RSPH3: variants seen among roughly 807,000 people sequenced by gnomAD.
The protein encoded by RSPH3 is radial spoke head protein 3 homolog.
In RSPH3, 21 loss-of-function variants were observed where a neutral mutation model predicts 43.8. The observed-to-expected ratio is 0.48, with a 90% CI of 0.34 to 0.69. The LOEUF (loss-of-function observed/expected upper bound fraction) is 0.69, where lower values mean the gene tolerates loss of function less well. Ranked by LOEUF, RSPH3 falls within the 30% of genes least tolerant of loss-of-function variation. The pLI is 0.01. For synonymous variants in RSPH3, 173 were observed against 179.8 expected (o/e 0.96, Z 0.30); for missense variants, 487 against 516.0 (o/e 0.94, Z 0.54).
At chr6:158,970,494 C>A (rs943804876), downstream of RSPH3, among the ~76,000 whole-genome samples, 4 of 152,200 alleles carry the variant, frequency 2.6e-5, no homozygotes, top group East Asian at 7.7e-4. Context: ...GGCATGCATG[C>A]AGTCCTACAC....
rs74870411 is a variant in RSPH3 at position 158,994,223 on chromosome 6, T to C, written c.117-297A>G. Among the ~76,000 whole-genome samples the C allele has an allele frequency of 0.018, 2,712 of 152,318 alleles. 35 individuals carry two copies. The highest frequency in any genetic ancestry group is 0.024 in the Middle Eastern group (7 of 294). On this transcript the variant is annotated intron_variant, in intron 1 of 7. Transcript: ENST00000367069. Reference sequence around the variant, plus strand: ...AGGAATCTGCCAAAGGTCACCTTGCTAGTAAGTGGCAGGACTAGATTTAGG... The same window carrying C: ...AGGAATCTGCCAAAGGTCACCTTGCCAGTAAGTGGCAGGACTAGATTTAGG...
In RSPH3 at chr6:158,984,369, T is replaced by A. The variant is rs536475710; in HGVS notation, c.347-562A>T. 3.4e-4 allele frequency among the ~76,000 whole-genome samples: 48 copies of A among 142,388 alleles called. 1 individual carries two copies. Among genetic ancestry groups the A allele is most frequent in the Non-Finnish European group, 5.7e-4 (38 of 66,420 alleles). The allele number at this position is 142,388 out of a possible 152,430, so 93.4% of individuals were successfully genotyped here. A position where few individuals can be genotyped will look rare whatever the true frequency, so the allele number is the denominator to read the frequency against. Reference sequence around the variant, plus strand: ...TGAGCTTTGTATTTGAAAATGGAACTAAAGAAGAACATGAGACCGTAGATG... The same window carrying A: ...TGAGCTTTGTATTTGAAAATGGAACAAAAGAAGAACATGAGACCGTAGATG... On this transcript the variant is annotated intron_variant, in intron 3 of 7. Coordinates refer to ENST00000367069, the MANE Select transcript of RSPH3 (RefSeq NM_031924.8).
chr6:158,988,021 C>T (rs1778288896), intron 2 of RSPH3, among the ~76,000 whole-genome samples: 1 of 152,198 alleles, frequency 6.6e-6, no homozygotes, highest in African/African-American at 2.4e-5. Flanking sequence ...GTTGTTCAGG[C>T]TGAAGAATTC....
At position 158,973,504 on chromosome 6, in the gene RSPH3, C is replaced by A. The variant is rs1182423036; in HGVS notation, c.*4034G>T. ...ATACTTTCTTCTGCAAGTTACCCACCCTTTCATATGTTTTTAAAATGAAAC... is the reference window on the plus strand; with the variant it reads ...ATACTTTCTTCTGCAAGTTACCCACACTTTCATATGTTTTTAAAATGAAAC... On this transcript the variant is annotated 3_prime_UTR_variant, in exon 8 of 8. Coordinates refer to ENST00000367069, the MANE Select transcript of RSPH3 (RefSeq NM_031924.8). 2 of 152,136 alleles carry A rather than the reference C, an allele frequency of 1.3e-5. No homozygotes were observed. Among genetic ancestry groups the A allele is most frequent in the African/African-American group, 4.8e-5 (2 of 41,398 alleles). 9.4% of individuals were successfully genotyped at this position (152,136 alleles called of 1,614,324 possible).
chr6:158,979,093 T>C (rs1454348456), intron 6 of RSPH3, among the ~76,000 whole-genome samples: 1 of 152,204 alleles, frequency 6.6e-6, no homozygotes, highest in Admixed American at 6.5e-5. Context: ...GGCAGTCATC[T>C]AGAAATAGGT....
intron 2 of RSPH3, among the ~76,000 whole-genome samples, chr6:158,992,214 C>A (rs555707024): frequency 1.3e-5 from 2 of 149,442 alleles, no homozygotes. Flanking sequence ...TCTTGATACT[C>A]CCTGCCTCAG....
intron 5 of RSPH3, 70 bp downstream of exon 5, chr6:158,982,415 A>G (rs1778062298): frequency 4.3e-6 from 4 of 921,018 alleles, no homozygotes; most frequent in Non-Finnish European, 6.5e-6. Context: ...ATATCATCAC[A>G]TGTAATTTTG....
At position 158,999,926 on chromosome 6, in the gene RSPH3, C is replaced by G. The variant is rs749457687; in HGVS notation, c.-376G>C. ...CGCCACCCAGGTAGGTGCGCCTGCG[C>G]TTTGCGAGGTTCCTGGCTAGGGAGG... On this transcript the variant is annotated 5_prime_UTR_variant, in exon 1 of 8. Transcript: ENST00000367069. 1 of 1,611,392 alleles carries G rather than the reference C, an allele frequency of 6.2e-7. No homozygotes were observed. The highest frequency in any genetic ancestry group is 2.2e-5 in the East Asian group (1 of 44,866).
the RSPH3 span, among the ~76,000 whole-genome samples, chr6:158,967,287 C>T: frequency 2.6e-5 from 4 of 152,146 alleles, no homozygotes; most frequent in East Asian, 3.9e-4. Flanking sequence ...CGAGCCACAG[C>T]ATCTGGCCTA....
Position 158,977,243 on chromosome 6 carries a change from C to T in RSPH3, c.*295G>A, listed in dbSNP as rs1173363733. ...AAACTAACCCGCAAAATTAGAAGGG[C>T]TAAGGAAAAATATATTTGCTGGTTA... On this transcript the variant is annotated 3_prime_UTR_variant, in exon 8 of 8. Transcript: ENST00000367069. The T allele has an allele frequency of 3.1e-6, 1 of 320,928 alleles. No homozygotes were observed. Among genetic ancestry groups the T allele is most frequent in the Non-Finnish European group, 5.6e-6 (1 of 178,308 alleles). 19.9% of individuals were successfully genotyped at this position (320,928 alleles called of 1,614,324 possible).
intron 2 of RSPH3, chr6:158,990,542 A>G (rs752218192): frequency 2.0e-5 from 3 of 152,144 alleles, no homozygotes; most frequent in Non-Finnish European, 4.4e-5. Context: ...CTTGAAAAAT[A>G]TTGTGCCACT....
At chr6:158,980,679 C>T (rs1778003055) in intron 6 of RSPH3, 95 bp downstream of exon 6, 3 of 1,007,678 alleles carry the variant, frequency 3.0e-6, no homozygotes, top group East Asian at 2.6e-5. Context: ...AATAGAAAGA[C>T]TCCAATTCAA....
At chr6:158,967,853 C>G in the RSPH3 span, among the ~76,000 whole-genome samples, 11 of 152,204 alleles carry the variant, frequency 7.2e-5, no homozygotes, top group South Asian at 2.3e-3. Flanking sequence ...CTATTTTTAT[C>G]TTAAAGTCCA....
At chr6:158,995,752 G>A (rs568544664) in intron 1 of RSPH3, among the ~76,000 whole-genome samples, 15 of 149,780 alleles carry the variant, frequency 1.0e-4, no homozygotes, top group Admixed American at 7.0e-4. Context: ...CCGCCACCAC[G>A]CCCGGCTCAT....
intron 3 of RSPH3, among the ~76,000 whole-genome samples, chr6:158,985,816 C>CTTT (rs1192708843): frequency 7.8e-6 from 1 of 127,406 alleles, no homozygotes; most frequent in Non-Finnish European, 1.6e-5. Flanking sequence ...CTCTCTCTCT[C>CTTT]TTTTTTTTTT....
intron 4 of RSPH3, 43 bp from the exon 5 acceptor site, chr6:158,982,731 A>G: frequency 1.5e-6 from 2 of 1,360,296 alleles, no homozygotes; most frequent in Non-Finnish European, 2.1e-6. Flanking sequence ...TTTAATTACG[A>G]ATCAAATGCT....
At chr6:158,982,770 A>G in intron 4 of RSPH3, 82 bp from the exon 5 acceptor site, 2 of 880,364 alleles carry the variant, frequency 2.3e-6, no homozygotes, top group Non-Finnish European at 3.6e-6. Context: ...TAGCAATAAC[A>G]AGATATTATT....
At chr6:158,970,149 T>C (rs1421472728), downstream of RSPH3, among the ~76,000 whole-genome samples, 7 of 152,208 alleles carry the variant, frequency 4.6e-5, no homozygotes, top group Admixed American at 2.0e-4. Flanking sequence ...AGTTATATTC[T>C]TGTACCACCC....
At chr6:158,970,819 G>A (rs1188362195), downstream of RSPH3, among the ~76,000 whole-genome samples, 1 of 152,156 alleles carries the variant, frequency 6.6e-6, no homozygotes, top group Non-Finnish European at 1.5e-5. Flanking sequence ...CCAAAGTGCT[G>A]GGATTACAGG....
Sources: gnomAD v4.1 joint callset for allele counts (sites outside exome capture counted in the v4.1 genomes callset) on GRCh38, gnomAD v4.1.1 for gene constraint, MANE v1.5 for transcripts, NCBI Gene and HGNC (gene_info 2026-07-23, HGNC 2026-07-21) for gene names.